MAEL: variants seen among roughly 807,000 people sequenced by gnomAD.
MAEL encodes the protein maelstrom spermatogenic transposon silencer.
In MAEL, 46 loss-of-function variants were observed where a neutral mutation model predicts 62.0. The observed-to-expected ratio is 0.74, with a 90% CI of 0.59 to 0.95. The LOEUF (loss-of-function observed/expected upper bound fraction) is 0.95, where lower values mean the gene tolerates loss of function less well. Ranked by LOEUF, MAEL falls within the 40% of genes least tolerant of loss-of-function variation. MAEL has a pLI of 0.00. For missense variants in MAEL, 497 were observed against 526.8 expected, an observed-to-expected ratio of 0.94 and a Z score of 0.55; for synonymous variants, 172 against 175.5, an observed-to-expected ratio of 0.98 and a Z score of 0.16.
At chr1:167,016,625 TCTA>T (rs1348233971) in intron 9 of MAEL, among the ~76,000 whole-genome samples, 3 of 152,100 alleles carry the variant, frequency 2.0e-5, no homozygotes, top group Non-Finnish European at 2.9e-5. Context: ...ATCCAGCACT[TCTA>T]CTGCTGGGTA....
At chr1:167,012,038 T>C (rs921499386) in intron 8 of MAEL, among the ~76,000 whole-genome samples, 4 of 152,164 alleles carry the variant, frequency 2.6e-5, no homozygotes, top group African/African-American at 9.7e-5. Context: ...ACAGGATGGA[T>C]CTACTTTTTA....
intron 5 of MAEL, among the ~76,000 whole-genome samples, chr1:166,995,214 G>T (rs1664370143): frequency 6.6e-6 from 1 of 151,918 alleles, no homozygotes. Flanking sequence ...AATAAGAAAT[G>T]TAAGGGAGAA....
intron 10 of MAEL, among the ~76,000 whole-genome samples, chr1:167,020,109 T>C (rs1356696061): frequency 2.0e-5 from 3 of 152,174 alleles, no homozygotes; most frequent in African/African-American, 4.8e-5. Flanking sequence ...CATTTATGCC[T>C]CCACTGTTTT....
At chr1:167,011,081 GCTCTGATCTA>G (rs150264165) in intron 8 of MAEL, among the ~76,000 whole-genome samples, 1 of 151,904 alleles carries the variant, frequency 6.6e-6, no homozygotes, top group East Asian at 1.9e-4. Flanking sequence ...TATAGTCAGT[GCTCTGATCTA>G]CTAGGACTGT....
At chr1:166,993,674 GT>G (rs1200713027) in intron 4 of MAEL, among the ~76,000 whole-genome samples, 1 of 152,116 alleles carries the variant, frequency 6.6e-6, no homozygotes, top group Non-Finnish European at 1.5e-5. Flanking sequence ...TTTGGGGACT[GT>G]TTTTCCTCTG....
chr1:167,000,780 G>A (rs1664627631), intron 5 of MAEL, among the ~76,000 whole-genome samples: 1 of 152,110 alleles, frequency 6.6e-6, no homozygotes, highest in Non-Finnish European at 1.5e-5. Context: ...CATCAAGACA[G>A]GATCTTCCAC....
Position 167,005,352 on chromosome 1 carries a change from G to A in MAEL, c.800G>A (p.Arg267Gln), listed in dbSNP as rs754539955. 8.1e-6 allele frequency: 13 copies of A among 1,613,430 alleles called. No homozygotes were observed. Among genetic ancestry groups the A allele is most frequent in the African/African-American group, 4.0e-5 (3 of 74,848 alleles). ...AAGGAGCCCTCTAAGACTTGGATTC[G>A]AAGCCTCCTAGATGTGGCCATGTGG... ...FLKEPSKTWI[R>Q]SLLDVAMWDY... The change falls in exon 8 of 12, where the codon CGA (arginine) becomes CAA (glutamine). Residue 267 changes from arginine (R) to glutamine (Q), a missense_variant. Physicochemically the swap from Arg to Gln is conservative, Grantham distance 43 (BLOSUM62 1). Transcript: ENST00000367872.
intron 5 of MAEL, among the ~76,000 whole-genome samples, chr1:167,003,633 C>T (rs970788883): frequency 4.6e-5 from 7 of 152,188 alleles, no homozygotes; most frequent in African/African-American, 1.4e-4. Flanking sequence ...CTAATCTCAC[C>T]GCTCTGAATT....
chr1:167,021,061 C>G (rs752955483), intron 10 of MAEL, 24 bp from the exon 11 acceptor site: 20 of 1,544,272 alleles, frequency 1.3e-5, no homozygotes, highest in Non-Finnish European at 1.5e-5. Context: ...ATTTTTCCCC[C>G]TGGTATTTTC....
Position 167,021,583 on chromosome 1 carries a change from A to G in MAEL, c.1118-85A>G. The G allele has an allele frequency of 6.5e-6, 6 of 922,208 alleles. No individual in the cohort carries two copies. In the East Asian group the frequency reaches 1.3e-4, roughly 20 times the overall value. 57.1% of individuals were successfully genotyped at this position (922,208 alleles called of 1,614,324 possible). A position where few individuals can be genotyped will look rare whatever the true frequency, so the allele number is the denominator to read the frequency against. On this transcript the variant is annotated intron_variant, in intron 11 of 11. Transcript: ENST00000367872. ...TATGGCTTAGTGAAAGGCCTACAGT[A>G]GGATGAGTCAGTTAATTGAGGCATC...
intron 9 of MAEL, among the ~76,000 whole-genome samples, chr1:167,017,001 G>A (rs1665423051): frequency 6.6e-6 from 1 of 152,094 alleles, no homozygotes; most frequent in African/African-American, 2.4e-5. Flanking sequence ...GTACTAGAGG[G>A]GTGAGGGGGA....
chr1:166,982,867 C>A (rs895007165), intron 1 of MAEL, among the ~76,000 whole-genome samples: 4 of 152,188 alleles, frequency 2.6e-5, no homozygotes, highest in Non-Finnish European at 4.4e-5. Context: ...TATGCTCCCA[C>A]CTCAGAGCTT....
At chr1:166,986,280 C>T (rs932882783), upstream of MAEL, among the ~76,000 whole-genome samples, 5 of 151,946 alleles carry the variant, frequency 3.3e-5, no homozygotes, top group Admixed American at 2.0e-4. Flanking sequence ...CAGGTGTACA[C>T]GTAAGTTTAA....
At chr1:166,988,318 C>A (rs1663990454), upstream of MAEL, among the ~76,000 whole-genome samples, 1 of 146,118 alleles carries the variant, frequency 6.8e-6, no homozygotes, top group African/African-American at 2.6e-5. Context: ...CCACTGCACT[C>A]CAGCCTGGGT....
In MAEL at chr1:166,989,475, A is replaced by G. The variant is rs1169943758; in HGVS notation, c.123A>G (p.Ser41=). 1 of 1,584,682 alleles carries G rather than the reference A, an allele frequency of 6.3e-7. No individual in the cohort carries two copies. The highest frequency in any genetic ancestry group is 2.3e-5 in the East Asian group (1 of 43,736). The change falls in exon 1 of 12, where the codon TCA becomes TCG. Residue 41 remains serine (S), a synonymous_variant. Transcript: ENST00000367872. ...CTGATGCCATCCCTTACTGCTCCTC[A>G]GACTGGGCGGTAAGGCTGGAGCGGA... ...RVADAIPYCS[S]DWALLREEEK... is the part of the protein sequence containing the mutation.
chr1:166,990,369 A>G (rs1219817427), intron 2 of MAEL: 1 of 152,374 alleles, frequency 6.6e-6, no homozygotes, highest in African/African-American at 2.4e-5. Context: ...ACAAGAGTTG[A>G]ATAGGCTGGG....
At position 166,994,049 on chromosome 1, in the gene MAEL, G is replaced by T. The variant is rs765803880; in HGVS notation, c.503G>T (p.Arg168Leu). ...ATAGGTGAAATTCCACGAGGATTTC[G>T]ATTTCATTGTCAGGCTGCAAGTAAG... is the stretch of plus-strand genomic sequence containing the variant. ...INPGEIPRGF[R>L]FHCQAASDSS... Residue 168 changes from arginine to leucine, a missense_variant, in exon 5 of 12, where the codon CGA becomes CTA. Coordinates refer to ENST00000367872, the MANE Select transcript of MAEL (RefSeq NM_032858.3). 1.9e-6 allele frequency: 3 copies of T among 1,612,910 alleles called. No individual in the cohort carries two copies.
chr1:167,006,636 T>TAC (rs1553237879), intron 8 of MAEL, among the ~76,000 whole-genome samples: 45 of 92,320 alleles, frequency 4.9e-4, no homozygotes, highest in Admixed American at 2.2e-3. Flanking sequence ...TATATATATA[T>TAC]ACATTTTTTT....
upstream of MAEL, among the ~76,000 whole-genome samples, chr1:166,988,688 CAT>C (rs1212622708): frequency 3.9e-5 from 6 of 152,228 alleles, 1 homozygote; most frequent in African/African-American, 1.4e-4. Context: ...CATAAAAACT[CAT>C]ATTGTTAATT....
Sources: allele counts gnomAD v4.1 joint callset (sites outside exome capture counted in the v4.1 genomes callset), GRCh38; gene constraint gnomAD v4.1.1; transcripts MANE v1.5; gene names NCBI Gene and HGNC (gene_info 2026-07-23, HGNC 2026-07-21).